Variants in NLRP1 observed in about 807,000 individuals in gnomAD.
The protein encoded by NLRP1 is NACHT, LRR and PYD domains-containing protein 1.
A neutral mutation model predicts 136.7 loss-of-function variants in NLRP1; 94 were observed. The ratio of observed to expected loss-of-function variants is 0.69; its 90% CI spans 0.58 to 0.82. NLRP1 has a LOEUF of 0.82. NLRP1 is among the 40% of genes least tolerant of loss of function. NLRP1 has a pLI of 0.00. For missense variants in NLRP1, 1,575 were observed against 1,802.7 expected, an observed-to-expected ratio of 0.87 and a Z score of 2.29; for synonymous variants, 690 against 725.1, an observed-to-expected ratio of 0.95 and a Z score of 0.78.
chr17:5,575,296 G>C (rs181644169), intron 3 of NLRP1, among the ~76,000 whole-genome samples: 26 of 152,210 alleles, frequency 1.7e-4, no homozygotes, highest in Admixed American at 1.0e-3. Flanking sequence ...ATGTAAATGG[G>C]CTAAATGCTC....
rs201739160 is a variant in NLRP1, at chr17:5,584,074, C to T, written c.-117G>A. On this transcript the variant is annotated 5_prime_UTR_variant, in exon 1 of 17. Coordinates refer to ENST00000572272, the MANE Select transcript of NLRP1 (RefSeq NM_033004.4). ...CTCTTACCGTCTCTTATTCAGCATT[C>T]GGAACCCAGTTTTATAAATCCCAGG... 1.4e-5 allele frequency: 14 copies of T among 1,010,932 alleles called. No individual in the cohort carries two copies. The highest frequency in any genetic ancestry group is 4.9e-5 in the African/African-American group (3 of 61,708). 62.6% of individuals were successfully genotyped at this position (1,010,932 alleles called of 1,614,324 possible).
At position 5,582,672 on chromosome 17, in the gene NLRP1, C is replaced by G. The variant is rs144338088; in HGVS notation, c.446G>C (p.Arg149Thr). The G allele has an allele frequency of 3.1e-4, 493 of 1,614,096 alleles. 1 individual carries two copies. In the African/African-American group the frequency reaches 5.6e-3, roughly 18 times the overall value. Residue 149 changes from arginine to threonine, a missense_variant and splice_region_variant, in exon 2 of 17, where the codon AGA (arginine) becomes ACA (threonine). Coordinates refer to ENST00000572272, the MANE Select transcript of NLRP1 (RefSeq NM_033004.4). Reference sequence around the variant, plus strand: ...CAGCCTGCCTCAGCAAGCCTCACCTCTCCAGCGGCGTCCAGATGTGTCAGG... The same window carrying G: ...CAGCCTGCCTCAGCAAGCCTCACCTGTCCAGCGGCGTCCAGATGTGTCAGG... ...QLPDTSGRRW[R>T]EISASLLYQA...
chr17:5,568,645 G>A (rs921594889), intron 3 of NLRP1, among the ~76,000 whole-genome samples: 1 of 152,118 alleles, frequency 6.6e-6, no homozygotes, highest in African/African-American at 2.4e-5. Flanking sequence ...GAAGAGTTGA[G>A]CATTTATTGT....
chr17:5,511,986 G>T, downstream of NLRP1: 1 of 507,722 alleles, frequency 2.0e-6, no homozygotes, highest in Non-Finnish European at 3.7e-6. Context: ...TGTGAAGTGG[G>T]CCTGGTTTAG....
chr17:5,553,316 C>T (rs1913607540), intron 5 of NLRP1, 70 bp downstream of exon 5: 2 of 1,408,292 alleles, frequency 1.4e-6, no homozygotes, highest in Non-Finnish European at 1.9e-6. Flanking sequence ...AATCCCTCAG[C>T]CCAGACTCAG....
chr17:5,532,491 T>C (rs554401397), intron 11 of NLRP1, among the ~76,000 whole-genome samples: 1 of 152,324 alleles, frequency 6.6e-6, no homozygotes, highest in African/African-American at 2.4e-5. Flanking sequence ...TTTAAAATAC[T>C]GTAACAATAA....
At chr17:5,522,877 G>A (rs186658749) in intron 12 of NLRP1, among the ~76,000 whole-genome samples, 5 of 152,310 alleles carry the variant, frequency 3.3e-5, no homozygotes. Flanking sequence ...GGAACATAGA[G>A]TGACCAAGGT....
At chr17:5,573,138 C>T (rs568576493) in intron 3 of NLRP1, among the ~76,000 whole-genome samples, 17 of 152,318 alleles carry the variant, frequency 1.1e-4, no homozygotes, top group South Asian at 4.1e-4. Context: ...ACTTTTCCAA[C>T]GGTCTTTGCA....
intron 15 of NLRP1, among the ~76,000 whole-genome samples, chr17:5,508,951 TA>T (rs1457365406): frequency 6.6e-6 from 1 of 152,180 alleles, no homozygotes; most frequent in Non-Finnish European, 1.5e-5. Flanking sequence ...CAAAAAAATC[TA>T]AGTAATGGAC....
chr17:5,556,433 G>A (rs1914086199), intron 4 of NLRP1, among the ~76,000 whole-genome samples: 1 of 145,062 alleles, frequency 6.9e-6, no homozygotes, highest in Non-Finnish European at 1.5e-5. Flanking sequence ...CAGCCTAGGG[G>A]ACAGAGCGAG....
chr17:5,574,225 A>C (rs12952472), intron 3 of NLRP1, among the ~76,000 whole-genome samples: 3 of 152,112 alleles, frequency 2.0e-5, no homozygotes, highest in African/African-American at 2.4e-5. Context: ...AGACCAAATG[A>C]ATGAAATGAA....
chr17:5,501,864 T>C lies in NLRP1; in HGVS notation c.4078A>G (p.Thr1360Ala), dbSNP rs199812357. ...CACCTGAGGTTCCACGGCTGGCTGG[T>C]GTTCCTTCCTGGAATGGAGGGAGAA... The change falls in exon 16 of 16, where the codon ACC becomes GCC. Residue 1360 changes from threonine (T) to alanine (A), a missense_variant. Physicochemically the swap from Thr to Ala is moderately conservative, Grantham distance 58. Transcript: ENST00000262467. 1.2e-5 allele frequency: 19 copies of C among 1,613,708 alleles called. No individual in the cohort carries two copies. The South Asian group carries it at 1.6e-4, about 14-fold the overall frequency.
At chr17:5,571,423 A>G (rs2151818143) in intron 3 of NLRP1, among the ~76,000 whole-genome samples, 1 of 152,324 alleles carries the variant, frequency 6.6e-6, no homozygotes, top group South Asian at 2.1e-4. Context: ...CAGGATACAA[A>G]ATCAATTTCT....
chr17:5,530,001 CCT>C (rs1463577412), intron 12 of NLRP1: 3 of 456,632 alleles, frequency 6.6e-6, no homozygotes, highest in African/African-American at 2.0e-5. Context: ...ATGGGAAGCC[CCT>C]GTTTCATGGC....
At chr17:5,516,691 T>C (rs1165678789) in intron 15 of NLRP1, among the ~76,000 whole-genome samples, 2 of 152,218 alleles carry the variant, frequency 1.3e-5, no homozygotes, top group African/African-American at 4.8e-5. Context: ...CTCAAATGAA[T>C]TAAGTAATTT....
chr17:5,507,565 C>T (rs914921608), intron 15 of NLRP1, among the ~76,000 whole-genome samples: 18 of 152,186 alleles, frequency 1.2e-4, no homozygotes, highest in Admixed American at 3.3e-4. Context: ...TGTTGTGGCT[C>T]ACGCCTGTAA....
intron 3 of NLRP1, among the ~76,000 whole-genome samples, chr17:5,561,945 G>C (rs1327027499): frequency 6.6e-6 from 1 of 152,168 alleles, no homozygotes; most frequent in Non-Finnish European, 1.5e-5. Flanking sequence ...TCTGAAGGCA[G>C]GGTGGGTGAC....
intron 11 of NLRP1, 135 bp downstream of exon 11, chr17:5,532,687 G>T: frequency 1.6e-6 from 1 of 643,684 alleles, no homozygotes; most frequent in Non-Finnish European, 2.5e-6. Context: ...TCTGCCTGTT[G>T]TCTTGGCAAG....
intron 6 of NLRP1, among the ~76,000 whole-genome samples, chr17:5,540,567 A>G (rs1396542229): frequency 1.3e-5 from 2 of 152,192 alleles, no homozygotes; most frequent in Non-Finnish European, 2.9e-5. Flanking sequence ...CTTTGAGGTC[A>G]GACCTGGCTT....
Sources: allele counts gnomAD v4.1 joint callset (sites outside exome capture counted in the v4.1 genomes callset), GRCh38; gene constraint gnomAD v4.1.1; transcripts MANE v1.5; gene names NCBI Gene and HGNC (gene_info 2026-07-23, HGNC 2026-07-21).